Variants in MEPE observed in about 807,000 individuals in gnomAD.
The protein encoded by MEPE is matrix extracellular phosphoglycoprotein, also known as matrix, extracellular phosphoglycoprotein with ASARM motif (bone).
MEPE carries 7 observed loss-of-function variants against 7.3 expected under a neutral mutation model. That is an observed-to-expected ratio of 0.95 (90% CI 0.54 to 1.79). The LOEUF (loss-of-function observed/expected upper bound fraction) is 1.79. MEPE is among the 40% of genes most tolerant of loss of function. MEPE has a pLI of 0.00. For synonymous variants in MEPE, 214 were observed against 213.1 expected, an observed-to-expected ratio of 1.00 and a Z score of -0.04; for missense variants, 623 against 628.2, an observed-to-expected ratio of 0.99 and a Z score of 0.09.
At chr4:87,834,580 A>G in intron 1 of MEPE, 123 bp from the exon 2 acceptor site, 1 of 696,984 alleles carries the variant, frequency 1.4e-6, no homozygotes, top group South Asian at 1.9e-5. Context: ...ACACACATAC[A>G]CAAAAGGATA....
chr4:87,839,799 C>A, intron 3 of MEPE: 1 of 1,544,126 alleles, frequency 6.5e-7, no homozygotes, highest in Non-Finnish European at 8.8e-7. Context: ...CTCTGAATGA[C>A]CATTCTCAGC....
intron 1 of MEPE, among the ~76,000 whole-genome samples, chr4:87,834,461 T>G (rs544468897): frequency 1.4e-4 from 22 of 152,252 alleles, no homozygotes; most frequent in African/African-American, 5.3e-4. Flanking sequence ...CTGACTTTAC[T>G]GTTTTAATGA....
upstream of MEPE, among the ~76,000 whole-genome samples, chr4:87,830,402 A>C (rs116495401): frequency 4.4e-3 from 674 of 152,306 alleles, 2 homozygotes; most frequent in African/African-American, 0.016. Context: ...GCAGCTATAA[A>C]AATGAAAGAG....
Position 87,845,964 on chromosome 4 carries a change from C to T in MEPE, c.1096C>T (p.His366Tyr). 1.2e-6 allele frequency: 2 copies of T among 1,613,898 alleles called. No homozygotes were observed. The highest frequency in any genetic ancestry group is 8.5e-7 in the Non-Finnish European group (1 of 1,179,948). Residue 366 changes from histidine (H) to tyrosine (Y), a missense_variant, in exon 4 of 4, where the codon CAC becomes TAC. Transcript: ENST00000361056. ...NRVDAGSQNA[H>Y]QGKVEFHYPP... ...AGTGGATGCTGGCAGCCAAAATGCT[C>T]ACCAAGGGAAGGTTGAGTTTCATTA...
Position 87,846,537 on chromosome 4 carries a change from G to A in MEPE, c.*91G>A. On this transcript the variant is annotated 3_prime_UTR_variant, in exon 4 of 4. Coordinates refer to ENST00000361056, the MANE Select transcript of MEPE (RefSeq NM_020203.6). ...AGAGCCACCTGACAGCTGACCAGGTGAAGAGAGGATAGAGTGAAGAACTGA... is the reference window on the plus strand; with the variant it reads ...AGAGCCACCTGACAGCTGACCAGGTAAAGAGAGGATAGAGTGAAGAACTGA... 1 of 1,414,706 alleles carries A rather than the reference G, an allele frequency of 7.1e-7. No homozygotes were observed. Among genetic ancestry groups the A allele is most frequent in the Non-Finnish European group, 9.6e-7 (1 of 1,046,216 alleles). 87.6% of individuals were successfully genotyped at this position (1,414,706 alleles called of 1,614,324 possible).
At chr4:87,835,653 G>A (rs552244508) in intron 2 of MEPE, among the ~76,000 whole-genome samples, 188 of 152,148 alleles carry the variant, frequency 1.2e-3, no homozygotes, top group African/African-American at 4.4e-3. Context: ...TCCCTTCTCC[G>A]CACACACTCT....
intron 1 of MEPE, among the ~76,000 whole-genome samples, chr4:87,821,865 G>A (rs1359560278): frequency 6.6e-6 from 1 of 152,064 alleles, no homozygotes; most frequent in African/African-American, 2.4e-5. Context: ...GCACCATAAA[G>A]CTGCAGGGGA....
chr4:87,831,751 A>G (rs1249952591), upstream of MEPE, among the ~76,000 whole-genome samples: 1 of 152,042 alleles, frequency 6.6e-6, no homozygotes, highest in Non-Finnish European at 1.5e-5. Context: ...ATTTGTTGCT[A>G]TTCCCCTTGC....
chr4:87,827,708 A>C (rs1438683766), intron 1 of MEPE, among the ~76,000 whole-genome samples: 1 of 152,196 alleles, frequency 6.6e-6, no homozygotes, highest in East Asian at 1.9e-4. Context: ...GTTACATTTT[A>C]AGGTGGAGTA....
intron 1 of MEPE, among the ~76,000 whole-genome samples, chr4:87,827,711 G>A (rs1722504338): frequency 6.6e-6 from 1 of 152,272 alleles, no homozygotes; most frequent in South Asian, 2.1e-4. Flanking sequence ...ACATTTTAAG[G>A]TGGAGTAAGA....
In MEPE at chr4:87,838,775, T is replaced by TG. The variant is rs775298238; in HGVS notation, c.108+93dup. On this transcript the variant is annotated intron_variant, in intron 3 of 3. Transcript: ENST00000361056. ...AAAAGTGTAACTGTCAAAATAGTCTTGGGCACTTTGAATGGAAGTGAAAAA... is the reference window on the plus strand; with the variant it reads ...AAAAGTGTAACTGTCAAAATAGTCTTGGGGCACTTTGAATGGAAGTGAAAAA... The TG allele has an allele frequency of 1.7e-4, 197 of 1,181,606 alleles. 2 individuals carry two copies. The highest frequency in any genetic ancestry group is 1.0e-3 in the South Asian group (77 of 73,468). 73.2% of individuals were successfully genotyped at this position (1,181,606 alleles called of 1,614,324 possible). A position where few individuals can be genotyped will look rare whatever the true frequency, so the allele number is the denominator to read the frequency against.
At position 87,845,517 on chromosome 4, in the gene MEPE, C is replaced by G. The variant is rs1171382288; in HGVS notation, c.649C>G (p.Gln217Glu). ...PVKSKSTHRI[Q>E]HNIDYLKHLS... is the part of the protein sequence containing the mutation. Reference sequence around the variant, plus strand: ...AAAAAGCAAAAGCACCCATCGTATTCAACACAACATTGACTACCTAAAACA... The same window carrying G: ...AAAAAGCAAAAGCACCCATCGTATTGAACACAACATTGACTACCTAAAACA... The change falls in exon 4 of 4, where the codon CAA becomes GAA. Residue 217 changes from glutamine to glutamate, a missense_variant. Coordinates refer to ENST00000361056, the MANE Select transcript of MEPE (RefSeq NM_020203.6). 6 of 1,612,980 alleles carry G rather than the reference C, an allele frequency of 3.7e-6. No individual in the cohort carries two copies. In the East Asian group the frequency reaches 1.3e-4, roughly 36 times the overall value.
intron 2 of MEPE, among the ~76,000 whole-genome samples, chr4:87,836,854 T>G (rs1259170277): frequency 6.6e-6 from 1 of 152,216 alleles, no homozygotes; most frequent in Non-Finnish European, 1.5e-5. Context: ...GCTCATCTTA[T>G]AAAGGTTACT....
Position 87,845,953 on chromosome 4 carries a change from G to A in MEPE, c.1085G>A (p.Ser362Asn). 6.2e-7 allele frequency: 1 copy of A among 1,613,976 alleles called. No homozygotes were observed. The highest frequency in any genetic ancestry group is 8.5e-7 in the Non-Finnish European group (1 of 1,179,944). The change falls in exon 4 of 4, where the codon AGC becomes AAC. Residue 362 changes from serine to asparagine, a missense_variant. By Grantham distance (46) the Ser-to-Asn change is conservative (BLOSUM62 1). Transcript: ENST00000361056. ...GREGNRVDAGSQNAHQGKVEF... is the reference protein window; with the variant it reads ...GREGNRVDAGNQNAHQGKVEF... ...GAAGGAAACAGAGTGGATGCTGGCA[G>A]CCAAAATGCTCACCAAGGGAAGGTT...
chr4:87,830,957 G>C (rs1157454464), upstream of MEPE, among the ~76,000 whole-genome samples: 1 of 151,998 alleles, frequency 6.6e-6, no homozygotes, highest in Non-Finnish European at 1.5e-5. Flanking sequence ...TAAATTGACA[G>C]TTTACACTTA....
In MEPE at chr4:87,834,784, T is replaced by C. The variant is rs577123532; in HGVS notation, c.54+16T>C. ...GGCAGCACCAGTAAGTATTTACAAA[T>C]TCAATTATATTTCAGATAATCTCTT... On this transcript the variant is annotated intron_variant, in intron 2 of 3. Coordinates refer to ENST00000361056, the MANE Select transcript of MEPE (RefSeq NM_020203.6). 6.2e-7 allele frequency: 1 copy of C among 1,602,102 alleles called. No individual in the cohort carries two copies. The highest frequency in any genetic ancestry group is 1.7e-5 in the Admixed American group (1 of 58,258).
chr4:87,836,011 C>G (rs1722774640), intron 2 of MEPE, among the ~76,000 whole-genome samples: 2 of 151,978 alleles, frequency 1.3e-5, no homozygotes, highest in African/African-American at 4.8e-5. Context: ...ACATTCAAGC[C>G]TAAGACATCT....
chr4:87,825,277 A>G (rs1301039208), intron 1 of MEPE, among the ~76,000 whole-genome samples: 2 of 152,210 alleles, frequency 1.3e-5, no homozygotes. Context: ...TCTTGGTTCT[A>G]GCTGTAGGTT....
At chr4:87,835,990 A>G (rs1722773752) in intron 2 of MEPE, among the ~76,000 whole-genome samples, 1 of 150,904 alleles carries the variant, frequency 6.6e-6, no homozygotes, top group Non-Finnish European at 1.5e-5. Context: ...TGCCATCTCC[A>G]TTACAGGGCC....
Sources: gnomAD v4.1 joint callset for allele counts (sites outside exome capture counted in the v4.1 genomes callset) on GRCh38, gnomAD v4.1.1 for gene constraint, MANE v1.5 for transcripts, NCBI Gene and HGNC (gene_info 2026-07-23, HGNC 2026-07-21) for gene names.